Variants in MAB21L4 observed in about 807,000 individuals in gnomAD.
MAB21L4 encodes protein mab-21-like 4.
A neutral mutation model predicts 32.4 loss-of-function variants in MAB21L4; 25 were observed. The observed-to-expected ratio is 0.77, with a 90% CI of 0.56 to 1.08. MAB21L4 has a LOEUF of 1.08. MAB21L4 is among the 50% of genes least tolerant of loss of function. The pLI is 0.00. For synonymous variants in MAB21L4, 280 were observed against 276.8 expected, an observed-to-expected ratio of 1.01 and a Z score of -0.11; for missense variants, 638 against 611.0, an observed-to-expected ratio of 1.04 and a Z score of -0.47.
intron 4 of MAB21L4, 72 bp downstream of exon 4, chr2:240,888,220 A>C: frequency 1.6e-6 from 2 of 1,239,684 alleles, no homozygotes; most frequent in Non-Finnish European, 2.2e-6. Flanking sequence ...ATGGGCAGGG[A>C]GCCAGGCCAG....
Position 240,895,921 on chromosome 2 carries a change from C to T in MAB21L4, c.77G>A (p.Arg26Gln), listed in dbSNP as rs771867649. The change falls in exon 1 of 5, where the codon CGG becomes CAG. Residue 26 changes from arginine to glutamine, a missense_variant. By Grantham distance (43) the Arg-to-Gln change is conservative. Transcript: ENST00000388934. Reference sequence around the variant, plus strand: ...CTGGGCACGCGGCGCCTCCCGGGACCGGATGGCCTGCAGGTAGTGGTGCCA... The same window carrying T: ...CTGGGCACGCGGCGCCTCCCGGGACTGGATGGCCTGCAGGTAGTGGTGCCA... ...PLWHHYLQAI[R>Q]SREAPRAQDF... is the part of the protein sequence containing the mutation. The T allele has an allele frequency of 4.6e-6, 7 of 1,510,720 alleles. No individual in the cohort carries two copies. The highest frequency in any genetic ancestry group is 2.1e-4 in the Middle Eastern group (1 of 4,684). 93.6% of individuals were successfully genotyped at this position (1,510,720 alleles called of 1,614,324 possible). A position where few individuals can be genotyped will look rare whatever the true frequency, so the allele number is the denominator to read the frequency against.
Position 240,896,096 on chromosome 2 carries a change from A to G in MAB21L4, c.-99T>C. ...TGAGGAGGCACCTGCCCAGGTGAGC[A>G]GCAGGTCTGCAGGTGGGGCCTCAGC... On this transcript the variant is annotated 5_prime_UTR_variant, in exon 1 of 5. Coordinates refer to ENST00000388934, the MANE Select transcript of MAB21L4 (RefSeq NM_001085437.3). 7.3e-7 allele frequency: 1 copy of G among 1,374,296 alleles called. No individual in the cohort carries two copies. Among genetic ancestry groups the G allele is most frequent in the East Asian group, 2.7e-5 (1 of 36,616 alleles). The allele number at this position is 1,374,296 out of a possible 1,614,324, so 85.1% of individuals were successfully genotyped here.
In MAB21L4 at chr2:240,895,977, G is replaced by T; in HGVS notation, c.21C>A (p.Pro7=). 6.9e-7 allele frequency: 1 copy of T among 1,459,478 alleles called. No individual in the cohort carries two copies. The allele number at this position is 1,459,478 out of a possible 1,614,324, so 90.4% of individuals were successfully genotyped here. Residue 7 remains proline, a synonymous_variant, in exon 1 of 5, where the codon CCC becomes CCA. Transcript: ENST00000388934. MPAPAL[P]TSAMAVQVPL... ...GCACCTGCACGGCCATGGCTGAGGT[G>T]GGGAGAGCAGGGGCAGGCATCCCTT...
intron 2 of MAB21L4, 88 bp from the exon 3 acceptor site, chr2:240,890,246 T>A: frequency 6.7e-7 from 1 of 1,483,514 alleles, no homozygotes; most frequent in Non-Finnish European, 9.0e-7. Flanking sequence ...GTTCGGGCCC[T>A]GGCCAGGGTC....
At chr2:240,893,064 C>T (rs766292352) in intron 1 of MAB21L4, among the ~76,000 whole-genome samples, 44 of 152,218 alleles carry the variant, frequency 2.9e-4, no homozygotes, top group Non-Finnish European at 5.9e-4. Context: ...GGAGGAGAGG[C>T]CGCCCCTCCC....
chr2:240,890,675 C>T (rs990493032), intron 2 of MAB21L4, among the ~76,000 whole-genome samples: 1 of 152,234 alleles, frequency 6.6e-6, no homozygotes, highest in African/African-American at 2.4e-5. Context: ...CATGGGCCCA[C>T]CCTTCAAGGA....
rs1395856496 is a variant in MAB21L4 at position 240,895,465 on chromosome 2, G to T, written c.514+19C>A. The stretch of plus-strand genomic sequence containing the variant: ...CTCGGTACACGCAGATACGCGTGCA[G>T]AGTGGGCTGTGCCTGTACCTGGTGC... On this transcript the variant is annotated intron_variant, in intron 1 of 4. Coordinates refer to ENST00000388934, the MANE Select transcript of MAB21L4 (RefSeq NM_001085437.3). 3 of 1,513,104 alleles carry T rather than the reference G, an allele frequency of 2.0e-6. No homozygotes were observed. The South Asian group carries it at 3.9e-5, about 19-fold the overall frequency. 93.7% of individuals were successfully genotyped at this position (1,513,104 alleles called of 1,614,324 possible).
chr2:240,888,687 C>G, intron 3 of MAB21L4, 39 bp from the exon 4 acceptor site: 1 of 1,397,004 alleles, frequency 7.2e-7, no homozygotes, highest in Non-Finnish European at 9.4e-7. Flanking sequence ...TCCTGGCCCA[C>G]CCGGCCCACC....
Position 240,886,793 on chromosome 2 carries a change from G to T in MAB21L4, c.*277C>A. ...TCCAGGTCTCCTGCCGATGCTGTTTGCTTGACAACACCACGTGGCTGGGTC... is the reference window on the plus strand; with the variant it reads ...TCCAGGTCTCCTGCCGATGCTGTTTTCTTGACAACACCACGTGGCTGGGTC... On this transcript the variant is annotated 3_prime_UTR_variant, in exon 5 of 5. Coordinates refer to ENST00000388934, the MANE Select transcript of MAB21L4 (RefSeq NM_001085437.3). 1 of 444,674 alleles carries T rather than the reference G, an allele frequency of 2.2e-6. No individual in the cohort carries two copies. The highest frequency in any genetic ancestry group is 4.0e-6 in the Non-Finnish European group (1 of 249,482). 27.5% of individuals were successfully genotyped at this position (444,674 alleles called of 1,614,324 possible).
chr2:240,891,995 TC>T, intron 1 of MAB21L4: 1 of 1,522,050 alleles, frequency 6.6e-7, no homozygotes. Context: ...ATGGTGACAG[TC>T]CTCGGCACAA....
intron 2 of MAB21L4, 89 bp downstream of exon 2, chr2:240,891,449 T>A (rs2059148058): frequency 3.2e-6 from 4 of 1,239,644 alleles, no homozygotes; most frequent in Admixed American, 2.3e-5. Context: ...ACCCTGCAGA[T>A]CCTCCTGGCT....
Position 240,895,600 on chromosome 2 carries a change from G to A in MAB21L4, c.398C>T (p.Ser133Leu), listed in dbSNP as rs201848788. 2.4e-4 allele frequency: 393 copies of A among 1,612,730 alleles called. 1 individual carries two copies. The highest frequency in any genetic ancestry group is 1.9e-3 in the East Asian group (87 of 44,884). Residue 133 changes from serine to leucine, a missense_variant, in exon 1 of 5, where the codon TCG (serine) becomes TTG (leucine). Physicochemically the swap from Ser to Leu is moderately radical, Grantham distance 145. Transcript: ENST00000388934. The stretch of plus-strand genomic sequence containing the variant: ...TCCACGGCACTTGGCGTCACCCTCC[G>A]AGGAGGCAGTGAAGGTATCCTCGGT... ...WTTEDTFTAS[S>L]EGDAKCRGHI...
chr2:240,894,815 A>C (rs1187437584), intron 1 of MAB21L4, among the ~76,000 whole-genome samples: 1 of 73,054 alleles, frequency 1.4e-5, no homozygotes, highest in African/African-American at 6.8e-5. Flanking sequence ...AACAAACAAA[A>C]GGCCCCAGAG....
At chr2:240,894,004 A>T (rs564829156) in intron 1 of MAB21L4, among the ~76,000 whole-genome samples, 1 of 152,092 alleles carries the variant, frequency 6.6e-6, no homozygotes, top group Non-Finnish European at 1.5e-5. Flanking sequence ...AGGTCAGGTC[A>T]GTCACTTACC....
chr2:240,895,721 G>T lies in MAB21L4; in HGVS notation c.277C>A (p.Leu93Met), dbSNP rs748237368. 1 of 1,612,938 alleles carries T rather than the reference G, an allele frequency of 6.2e-7. No homozygotes were observed. The highest frequency in any genetic ancestry group is 8.5e-7 in the Non-Finnish European group (1 of 1,179,994). ...TGGGTGGCCTCTGGTTCCTCAATCA[G>T]TAGAGCCTCGGCATCCACCCACAGG... Reference protein sequence around the residue: ...VPLWVDAEALLIEEPEATQPE... With the variant: ...VPLWVDAEALMIEEPEATQPE... The change falls in exon 1 of 5, where the codon CTG becomes ATG. Residue 93 changes from leucine to methionine, a missense_variant. Coordinates refer to ENST00000388934, the MANE Select transcript of MAB21L4 (RefSeq NM_001085437.3).
At chr2:240,890,852 C>T (rs966370242) in intron 2 of MAB21L4, among the ~76,000 whole-genome samples, 6 of 152,246 alleles carry the variant, frequency 3.9e-5, no homozygotes, top group African/African-American at 7.2e-5. Context: ...GCTTGGACGC[C>T]GCCCCTGCCT....
In MAB21L4 at chr2:240,895,904, G is replaced by C. The variant is rs781127798; in HGVS notation, c.94C>G (p.Arg32Gly). 3.3e-6 allele frequency: 5 copies of C among 1,525,418 alleles called. No individual in the cohort carries two copies. The highest frequency in any genetic ancestry group is 4.0e-4 in the Middle Eastern group (2 of 4,988). 94.5% of individuals were successfully genotyped at this position (1,525,418 alleles called of 1,614,324 possible). A position where few individuals can be genotyped will look rare whatever the true frequency, so the allele number is the denominator to read the frequency against. ...TCTGCGCGCTGGAAGTCCTGGGCAC[G>C]CGGCGCCTCCCGGGACCGGATGGCC... ...LQAIRSREAP[R>G]AQDFQRAENV... is the part of the protein sequence containing the mutation. The change falls in exon 1 of 5, where the codon CGT (arginine) becomes GGT (glycine). Residue 32 changes from arginine to glycine, a missense_variant. Transcript: ENST00000388934.
At chr2:240,892,920 G>A (rs938814618) in intron 1 of MAB21L4, among the ~76,000 whole-genome samples, 1 of 152,204 alleles carries the variant, frequency 6.6e-6, no homozygotes, top group African/African-American at 2.4e-5. Context: ...GTGAGTCCAG[G>A]GGCCCTCTGG....
At chr2:240,894,721 C>T (rs1055107227) in intron 1 of MAB21L4, among the ~76,000 whole-genome samples, 2 of 152,346 alleles carry the variant, frequency 1.3e-5, no homozygotes, top group Admixed American at 1.3e-4. Context: ...AGGAGAATCG[C>T]TTGAACCCAG....
Sources: allele counts gnomAD v4.1 joint callset (sites outside exome capture counted in the v4.1 genomes callset), GRCh38; gene constraint gnomAD v4.1.1; transcripts MANE v1.5; gene names NCBI Gene and HGNC (gene_info 2026-07-23, HGNC 2026-07-21).